Variants in CAVIN1 observed in about 807,000 individuals in gnomAD.
CAVIN1 encodes the protein caveolae-associated protein 1.
Under a neutral mutation model 24.0 loss-of-function variants are expected in CAVIN1, and 16 were observed. The ratio of observed to expected loss-of-function variants is 0.67; its 90% confidence interval spans 0.45 to 1.01. CAVIN1 has a LOEUF of 1.01. Among genes scored for constraint, CAVIN1 ranks in the 50% least tolerant of loss-of-function variants. The pLI is 0.00. For synonymous variants in CAVIN1, 256 were observed against 256.4 expected (o/e 1.00, Z 0.02); for missense variants, 510 against 551.7 (o/e 0.92, Z 0.76).
intron 1 of CAVIN1, among the ~76,000 whole-genome samples, chr17:42,408,682 G>T (rs942659920): frequency 6.6e-6 from 1 of 151,050 alleles, no homozygotes. Context: ...GTAGAGACGG[G>T]GTTTCTCCAT....
intron 1 of CAVIN1, among the ~76,000 whole-genome samples, chr17:42,412,529 G>GACTACAGTT (rs2085485477): frequency 6.8e-6 from 1 of 147,890 alleles, no homozygotes; most frequent in Non-Finnish European, 1.5e-5. Context: ...AAATATCTAG[G>GACTACAGTT]ACTACAGTTG....
Position 42,404,617 on chromosome 17 carries a change from A to AGCC in CAVIN1, c.*67_*69dup, listed in dbSNP as rs1006018088. 3.7e-6 allele frequency: 4 copies of AGCC among 1,087,810 alleles called. No individual in the cohort carries two copies. In the African/African-American group the frequency reaches 5.0e-5, roughly 14 times the overall value. The allele number at this position is 1,087,810 out of a possible 1,614,324, so 67.4% of individuals were successfully genotyped here. On this transcript the variant is annotated 3_prime_UTR_variant, in exon 2 of 2. Transcript: ENST00000357037. ...ATTTAGAAAAATCTCAGCCAGCTCG[A>AGCC]GCCGAGAGAGAATGCGAAAGAGGAA...
chr17:42,421,624 C>T (rs1025722878), intron 1 of CAVIN1, among the ~76,000 whole-genome samples: 12 of 152,220 alleles, frequency 7.9e-5, no homozygotes, highest in Non-Finnish European at 1.6e-4. Flanking sequence ...GCATAGAAAC[C>T]CGAGACTCCC....
rs1209123805 is a variant in CAVIN1 at position 42,404,138 on chromosome 17, AG to A, written c.*548del. 1 of 152,852 alleles carries A rather than the reference AG, an allele frequency of 6.5e-6. No individual in the cohort carries two copies. The highest frequency in any genetic ancestry group is 1.5e-5 in the Non-Finnish European group (1 of 68,452). The allele number at this position is 152,852 out of a possible 1,614,324, so 9.5% of individuals were successfully genotyped here. ...CTGTGCTGGACCCCCAGCCAGGGTG[AG>A]GGCTCATTCTGCTCTGTCTTCCCCA... is the stretch of plus-strand genomic sequence containing the variant. On this transcript the variant is annotated 3_prime_UTR_variant, in exon 2 of 2. Transcript: ENST00000357037.
At chr17:42,418,393 G>A (rs1179722136) in intron 1 of CAVIN1, among the ~76,000 whole-genome samples, 3 of 151,996 alleles carry the variant, frequency 2.0e-5, no homozygotes, top group African/African-American at 7.3e-5. Context: ...AACCACGCCT[G>A]GCTAATTTTG....
At chr17:42,412,407 T>A (rs2085484935) in intron 1 of CAVIN1, among the ~76,000 whole-genome samples, 1 of 150,732 alleles carries the variant, frequency 6.6e-6, no homozygotes, top group Admixed American at 6.6e-5. Context: ...TTTTTTTTTT[T>A]TTTAGAAATG....
At position 42,404,719 on chromosome 17, in the gene CAVIN1, C is replaced by T. The variant is rs1271661964; in HGVS notation, c.1141G>A (p.Ala381Thr). ...ALLEITEESD[A>T]VLVDKSDSD ...CTGTCGCTCTTGTCCACCAGCACGG[C>T]GTCCGACTCCTCGGTGATCTCCAGC... is the stretch of plus-strand genomic sequence containing the variant. Residue 381 changes from alanine to threonine, a missense_variant, in exon 2 of 2, where the codon GCC becomes ACC. Transcript: ENST00000357037. 1 of 1,492,430 alleles carries T rather than the reference C, an allele frequency of 6.7e-7. No individual in the cohort carries two copies. The highest frequency in any genetic ancestry group is 1.3e-5 in the South Asian group (1 of 74,318). The allele number at this position is 1,492,430 out of a possible 1,614,324, so 92.4% of individuals were successfully genotyped here.
In CAVIN1 at chr17:42,423,099, G is replaced by T; in HGVS notation, c.-2C>A. ...AATATAGAGCGTGGGGTCCTCCATG[G>T]CTACCCGGAGCCGTGCGGGACCGGC... On this transcript the variant is annotated 5_prime_UTR_variant, in exon 1 of 2. Coordinates refer to ENST00000357037, the MANE Select transcript of CAVIN1 (RefSeq NM_012232.6). 3.2e-6 allele frequency: 5 copies of T among 1,560,278 alleles called. No individual in the cohort carries two copies. The highest frequency in any genetic ancestry group is 4.3e-6 in the Non-Finnish European group (5 of 1,152,496).
rs544815983 is a variant in CAVIN1 at position 42,422,906 on chromosome 17, G to A, written c.192C>T (p.Ala64=). 58 of 1,614,036 alleles carry A rather than the reference G, an allele frequency of 3.6e-5. No homozygotes were observed. The South Asian group carries it at 6.1e-4, about 17-fold the overall frequency. Residue 64 remains alanine, a synonymous_variant, in exon 1 of 2, where the codon GCC becomes GCT. Transcript: ENST00000357037. Reference sequence around the variant, plus strand: ...CTTGAGTCAGCTGGATCTGGTCTACGGCCCCGATGATTTTGTCCAGGAGGC... The same window carrying A: ...CTTGAGTCAGCTGGATCTGGTCTACAGCCCCGATGATTTTGTCCAGGAGGC... ...VLSLLDKIIG[A]VDQIQLTQAQ... is the part of the protein sequence containing the mutation.
At chr17:42,416,154 G>A (rs2085510282) in intron 1 of CAVIN1, among the ~76,000 whole-genome samples, 1 of 152,026 alleles carries the variant, frequency 6.6e-6, no homozygotes, top group Non-Finnish European at 1.5e-5. Context: ...GATCACCTGA[G>A]GTCAGGAGTT....
rs200409122 is a variant in CAVIN1, at chr17:42,404,677, C to T, written c.*10G>A. ...GAGCGAGGAATGGGGTGGGTGGCAG[C>T]GGGGGCGGCTCAGTCGCTGTCGCTC... On this transcript the variant is annotated 3_prime_UTR_variant, in exon 2 of 2. Coordinates refer to ENST00000357037, the MANE Select transcript of CAVIN1 (RefSeq NM_012232.6). The T allele has an allele frequency of 1.2e-4, 171 of 1,429,002 alleles. No homozygotes were observed. The highest frequency in any genetic ancestry group is 4.8e-4 in the Admixed American group (16 of 33,562). The allele number at this position is 1,429,002 out of a possible 1,614,324, so 88.5% of individuals were successfully genotyped here.
rs370700146 is a variant in CAVIN1, at chr17:42,409,406, G to A, written c.472-4018C>T. On this transcript the variant is annotated intron_variant, in intron 1 of 1. Transcript: ENST00000357037. ...ATGAGCCACTGTGCCTGGCCAAGGGGAGGTTTATTCCTGGATTTAGAAATC... is the reference window on the plus strand; with the variant it reads ...ATGAGCCACTGTGCCTGGCCAAGGGAAGGTTTATTCCTGGATTTAGAAATC... Among the ~76,000 whole-genome samples, 4 of 152,262 alleles carry A rather than the reference G, an allele frequency of 2.6e-5. No individual in the cohort carries two copies. The East Asian group carries it at 7.7e-4, about 29-fold the overall frequency.
chr17:42,422,652 C>G lies in CAVIN1; in HGVS notation c.446G>C (p.Arg149Pro), dbSNP rs141261532. Residue 149 changes from arginine (R) to proline (P), a missense_variant, in exon 1 of 2, where the codon CGC becomes CCC. Arg to Pro is a moderately radical substitution (Grantham distance 103). Coordinates refer to ENST00000357037, the MANE Select transcript of CAVIN1 (RefSeq NM_012232.6). ...CTGGTAGATCATGACTTTAAAGTTG[C>G]GGCGCCGCAGCAGCTCGGCCTCGTT... ...EVNEAELLRR[R>P]NFKVMIYQDE... 1 of 1,591,310 alleles carries G rather than the reference C, an allele frequency of 6.3e-7. No homozygotes were observed. The highest frequency in any genetic ancestry group is 8.6e-7 in the Non-Finnish European group (1 of 1,169,278).
At chr17:42,418,316 C>T (rs1240947545) in intron 1 of CAVIN1, among the ~76,000 whole-genome samples, 1 of 150,498 alleles carries the variant, frequency 6.6e-6, no homozygotes, top group Non-Finnish European at 1.5e-5. Context: ...ACCGCAACCT[C>T]TGCCTCCTGG....
intron 1 of CAVIN1, among the ~76,000 whole-genome samples, chr17:42,418,558 T>C (rs1692031646): frequency 6.6e-6 from 1 of 152,162 alleles, no homozygotes; most frequent in South Asian, 2.1e-4. Context: ...CCCCACTTTC[T>C]GGATCTAAAA....
chr17:42,417,245 G>A (rs1048235588), intron 1 of CAVIN1, among the ~76,000 whole-genome samples: 2 of 152,136 alleles, frequency 1.3e-5, no homozygotes, highest in Admixed American at 6.5e-5. Flanking sequence ...CTTGAGGCCA[G>A]GAGTTCGAGA....
chr17:42,414,721 A>G (rs1355781815), intron 1 of CAVIN1, among the ~76,000 whole-genome samples: 2 of 152,142 alleles, frequency 1.3e-5, no homozygotes, highest in African/African-American at 2.4e-5. Flanking sequence ...CAATAGCAGT[A>G]TTTGATAAAG....
At position 42,411,669 on chromosome 17, in the gene CAVIN1, G is replaced by A. The variant is rs1050282210; in HGVS notation, c.472-6281C>T. ...GACCCCAGGCCTGAGCCTCATGATG[G>A]CCCTCTCCAAAGAGGCTTTGAGCCA... On this transcript the variant is annotated intron_variant, in intron 1 of 1. Coordinates refer to ENST00000357037, the MANE Select transcript of CAVIN1 (RefSeq NM_012232.6). The A allele has an allele frequency of 1.1e-5, 11 of 985,278 alleles. No homozygotes were observed. In the African/African-American group the frequency reaches 1.9e-4, roughly 17 times the overall value. The allele number at this position is 985,278 out of a possible 1,614,324, so 61.0% of individuals were successfully genotyped here.
intron 1 of CAVIN1, among the ~76,000 whole-genome samples, chr17:42,420,065 A>C (rs1279065640): frequency 3.4e-5 from 5 of 145,666 alleles, no homozygotes; most frequent in African/African-American, 1.3e-4. Flanking sequence ...GGGCCTTCCC[A>C]TCCCTTGGTG....
Sources: gnomAD v4.1 joint callset for allele counts (sites outside exome capture counted in the v4.1 genomes callset) on GRCh38, gnomAD v4.1.1 for gene constraint, MANE v1.5 for transcripts, NCBI Gene and HGNC (gene_info 2026-07-23, HGNC 2026-07-21) for gene names.